BMPR1A: variants seen among roughly 807,000 people sequenced by gnomAD.
The protein encoded by BMPR1A is bone morphogenetic protein receptor type-1A.
A neutral mutation model predicts 66.0 loss-of-function variants in BMPR1A; 7 were observed. The ratio of observed to expected loss-of-function variants is 0.11; its 90% CI spans 0.06 to 0.20. BMPR1A has a LOEUF of 0.20. Ranked by LOEUF, BMPR1A falls within the 10% of genes least tolerant of loss-of-function variation. The probability of loss-of-function intolerance (pLI) is 1.00; values close to 1 mark genes in which losing one functional copy is unlikely to be tolerated. For missense variants in BMPR1A, 408 were observed against 669.1 expected (o/e 0.61, Z 4.31); for synonymous variants, 200 against 229.7 (o/e 0.87, Z 1.17).
chr10:86,777,215 T>C (rs1841364872), intron 1 of BMPR1A, among the ~76,000 whole-genome samples: 1 of 152,176 alleles, frequency 6.6e-6, no homozygotes, highest in Non-Finnish European at 1.5e-5. Flanking sequence ...GTTTCTCTAT[T>C]AAGAACCGCA....
intron 2 of BMPR1A, among the ~76,000 whole-genome samples, chr10:86,872,695 G>C (rs1842867350): frequency 2.0e-5 from 3 of 151,754 alleles, no homozygotes; most frequent in African/African-American, 7.3e-5. Flanking sequence ...TGTGTTTGCT[G>C]TTATCTCATT....
intron 2 of BMPR1A, among the ~76,000 whole-genome samples, chr10:86,856,759 G>A (rs928252394): frequency 1.3e-5 from 2 of 152,172 alleles, no homozygotes; most frequent in African/African-American, 4.8e-5. Flanking sequence ...GACTGCCCTT[G>A]CTGCGAGTAC....
chr10:86,793,491 G>A (rs1422805053), intron 1 of BMPR1A, among the ~76,000 whole-genome samples: 1 of 151,742 alleles, frequency 6.6e-6, no homozygotes, highest in East Asian at 1.9e-4. Flanking sequence ...AGCCTCCCGA[G>A]TAGCTGGGAT....
intron 2 of BMPR1A, among the ~76,000 whole-genome samples, chr10:86,870,642 G>T (rs1460686164): frequency 6.6e-6 from 1 of 151,894 alleles, no homozygotes; most frequent in African/African-American, 2.4e-5. Flanking sequence ...CCAGGCTGGT[G>T]TTAACTCCAG....
At chr10:86,787,187 AAAT>A (rs1457032265) in intron 1 of BMPR1A, among the ~76,000 whole-genome samples, 1 of 152,192 alleles carries the variant, frequency 6.6e-6, no homozygotes, top group African/African-American at 2.4e-5. Context: ...AAAAAGAACT[AAAT>A]AAGTTGCATA....
chr10:86,875,815 A>G, intron 2 of BMPR1A, 52 bp from the exon 3 acceptor site: 1 of 596,096 alleles, frequency 1.7e-6, no homozygotes. Context: ...TTTTTGAAAA[A>G]TTTCCAAAAT....
chr10:86,909,054 A>G (rs377127857), intron 7 of BMPR1A, among the ~76,000 whole-genome samples: 32 of 152,194 alleles, frequency 2.1e-4, no homozygotes, highest in African/African-American at 7.5e-4. Context: ...AAAGAAAACA[A>G]CAGTCATGTT....
chr10:86,848,498 T>C (rs1384275438), intron 2 of BMPR1A, among the ~76,000 whole-genome samples: 1 of 152,148 alleles, frequency 6.6e-6, no homozygotes, highest in Non-Finnish European at 1.5e-5. Context: ...TATTGAACTT[T>C]CTAGATAATT....
chr10:86,890,077 G>A lies in BMPR1A; in HGVS notation c.83G>A (p.Ser28Asn), dbSNP rs371904636. 8 of 1,613,014 alleles carry A rather than the reference G, an allele frequency of 5.0e-6. No individual in the cohort carries two copies. In the African/African-American group the frequency reaches 1.1e-4, roughly 22 times the overall value. ...ISRVQGQNLD[S>N]MLHGTGMKSD... is the part of the protein sequence containing the mutation. Reference sequence around the variant, plus strand: ...TTGAATGCAGGACAGAATCTGGATAGTATGCTTCATGGCACTGGGATGAAA... The same window carrying A: ...TTGAATGCAGGACAGAATCTGGATAATATGCTTCATGGCACTGGGATGAAA... Residue 28 changes from serine (S) to asparagine (N), a missense_variant, in exon 4 of 13, where the codon AGT becomes AAT. This residue lies in a region of BMPR1A where 68 missense variants were observed against 83.0 expected (regional missense o/e 0.82). Transcript: ENST00000372037.
chr10:86,756,687 A>AAGGGAGGAGGCAGGAGCGAGG lies in BMPR1A; in HGVS notation c.-489_-469dup, dbSNP rs1393010307. ...CCGCCTGCCGGGCTTGGCGAAGGAG[A>AAGGGAGGAGGCAGGAGCGAGG]AGGGAGGAGGCAGGAGCGAGGAGGG... On this transcript the variant is annotated 5_prime_UTR_variant, in exon 1 of 13. Transcript: ENST00000372037. 1 of 151,470 alleles carries AAGGGAGGAGGCAGGAGCGAGG rather than the reference A, an allele frequency of 6.6e-6. No individual in the cohort carries two copies. The highest frequency in any genetic ancestry group is 6.6e-5 in the Admixed American group (1 of 15,222). 9.4% of individuals were successfully genotyped at this position (151,470 alleles called of 1,614,324 possible).
chr10:86,778,559 A>G (rs760514360), intron 1 of BMPR1A, among the ~76,000 whole-genome samples: 1 of 152,210 alleles, frequency 6.6e-6, no homozygotes, highest in Non-Finnish European at 1.5e-5. Context: ...GATAATTAGC[A>G]TATCCATCAT....
At chr10:86,855,512 A>G in intron 2 of BMPR1A, 1 of 461,196 alleles carries the variant, frequency 2.2e-6, no homozygotes, top group Non-Finnish European at 3.9e-6. Flanking sequence ...AGGAAATAGT[A>G]CTATTTTTTG....
At chr10:86,889,752 T>A in intron 3 of BMPR1A, 1 of 283,464 alleles carries the variant, frequency 3.5e-6, no homozygotes, top group Non-Finnish European at 6.7e-6. Flanking sequence ...AAAAAATTTT[T>A]AAGTTATTTT....
intron 3 of BMPR1A, among the ~76,000 whole-genome samples, chr10:86,887,398 C>T (rs1000413360): frequency 6.6e-6 from 1 of 152,082 alleles, no homozygotes; most frequent in Non-Finnish European, 1.5e-5. Context: ...TTTCATATAA[C>T]TTTGAGTTTT....
intron 3 of BMPR1A, among the ~76,000 whole-genome samples, chr10:86,888,609 T>G (rs984076037): frequency 2.0e-5 from 3 of 152,014 alleles, no homozygotes; most frequent in Admixed American, 2.0e-4. Flanking sequence ...GGAGGATCGC[T>G]TGAGCCCAGG....
intron 2 of BMPR1A, among the ~76,000 whole-genome samples, chr10:86,873,464 G>A (rs1298844788): frequency 6.6e-6 from 1 of 151,732 alleles, no homozygotes; most frequent in Admixed American, 6.6e-5. Flanking sequence ...GATGTTGTTG[G>A]TGAATAAGTG....
At chr10:86,931,298 C>CACACACACACACATATATATATATAT, downstream of BMPR1A, 13 of 90,916 alleles carry the variant, frequency 1.4e-4, no homozygotes, top group African/African-American at 7.8e-4. Context: ...CACACACACA[C>CACACACACACACATATATATATATAT]ATATATATAT....
intron 7 of BMPR1A, among the ~76,000 whole-genome samples, chr10:86,901,489 A>AG (rs1843309843): frequency 6.6e-6 from 1 of 152,250 alleles, no homozygotes; most frequent in Non-Finnish European, 1.5e-5. Context: ...ACTCCATAGT[A>AG]TAAACTGGTT....
intron 2 of BMPR1A, among the ~76,000 whole-genome samples, chr10:86,875,057 G>A (rs1589756575): frequency 6.6e-6 from 1 of 151,380 alleles, no homozygotes; most frequent in South Asian, 2.1e-4. Flanking sequence ...CTTTAATGAT[G>A]AAGCACCCTC....
Sources: gnomAD v4.1 joint callset for allele counts (sites outside exome capture counted in the v4.1 genomes callset) on GRCh38, gnomAD v4.1.1 for gene constraint, gnomAD v4.1.1 regional missense constraint, MANE v1.5 for transcripts, NCBI Gene and HGNC (gene_info 2026-07-23, HGNC 2026-07-21) for gene names.